SERINC5: variants seen among roughly 807,000 people sequenced by gnomAD.
SERINC5 encodes the protein serine incorporator 5, also known as chromosome 5 open reading frame 12.
A neutral mutation model predicts 63.1 loss-of-function variants in SERINC5; 41 were observed. That is an observed-to-expected ratio of 0.65 (90% confidence interval 0.51 to 0.84). SERINC5 has a LOEUF of 0.84. Ranked by LOEUF, SERINC5 falls within the 40% of genes least tolerant of loss-of-function variation. The probability of loss-of-function intolerance (pLI) is 0.00; values close to 1 mark genes in which losing one functional copy is unlikely to be tolerated. For synonymous variants in SERINC5, 222 were observed against 215.2 expected (o/e 1.03, Z -0.28); for missense variants, 523 against 573.0 (o/e 0.91, Z 0.89).
chr5:80,228,068 GA>G lies in SERINC5; in HGVS notation c.28-25016del, dbSNP rs535973486. On this transcript the variant is annotated intron_variant, in intron 1 of 11. Transcript: ENST00000507668. ...AAAACCCCATCTCTACAAATAATAT[GA>G]AAAAAAAAAAAAATTAGCCAGGCAT... Among the ~76,000 whole-genome samples the G allele has an allele frequency of 9.2e-3, 1,208 of 131,398 alleles. 14 individuals are homozygous for G. Among genetic ancestry groups the G allele is most frequent in the Admixed American group, 0.025 (318 of 12,676 alleles). The allele number at this position is 131,398 out of a possible 152,430, so 86.2% of individuals were successfully genotyped here. A position where few individuals can be genotyped will look rare whatever the true frequency, so the allele number is the denominator to read the frequency against.
chr5:80,238,728 G>A (rs1751819686), intron 1 of SERINC5, among the ~76,000 whole-genome samples: 1 of 146,250 alleles, frequency 6.8e-6, no homozygotes, highest in South Asian at 2.2e-4. Context: ...GGTAGAGGTT[G>A]CAGTGAACTG....
intron 2 of SERINC5, among the ~76,000 whole-genome samples, chr5:80,193,207 AGAGT>A (rs1011392425): frequency 2.6e-5 from 4 of 152,246 alleles, no homozygotes; most frequent in African/African-American, 9.6e-5. Flanking sequence ...ATTTCTATGC[AGAGT>A]AAGTATCAAG....
rs141553333 is a variant in SERINC5 at position 80,115,017 on chromosome 5, G to T, written c.1239-1392C>A. 3.6e-3 allele frequency among the ~76,000 whole-genome samples: 542 copies of T among 152,068 alleles called. 5 individuals carry two copies. Among genetic ancestry groups the T allele is most frequent in the Non-Finnish European group, 6.6e-3 (447 of 68,022 alleles). ...TGATTTTCTGCCGCCCAATCCAGTT[G>T]CCCAACCCTCCTGGCTCAATGCCAG... On this transcript the variant is annotated intron_variant, in intron 11 of 12. Coordinates refer to the SERINC5 transcript ENST00000509193.
chr5:80,127,962 ATAAATT>A (rs148475777), intron 11 of SERINC5, among the ~76,000 whole-genome samples: 13,343 of 152,228 alleles, frequency 0.088, 706 homozygotes, highest in East Asian at 0.2. Flanking sequence ...TTAATAAATT[ATAAATT>A]TAAAGATTTA....
chr5:80,180,360 T>C (rs1162607232), intron 2 of SERINC5, among the ~76,000 whole-genome samples: 1 of 151,922 alleles, frequency 6.6e-6, no homozygotes, highest in East Asian at 1.9e-4. Context: ...AGAGAAAAAA[T>C]AGCACAAAAC....
In SERINC5 at chr5:80,225,724, C is replaced by T. The variant is rs114190823; in HGVS notation, c.28-22671G>A. On this transcript the variant is annotated intron_variant, in intron 1 of 11. Transcript: ENST00000507668. The stretch of plus-strand genomic sequence containing the variant: ...TTATCCCATGCACCTGTGTAATATG[C>T]ACTCACACATGCACACGAGTGTGTA... 8.0e-3 allele frequency among the ~76,000 whole-genome samples: 1,211 copies of T among 152,254 alleles called. 18 individuals carry two copies. Among genetic ancestry groups the T allele is most frequent in the African/African-American group, 0.026 (1,075 of 41,530 alleles).
chr5:80,114,007 C>T (rs563838261), intron 11 of SERINC5, among the ~76,000 whole-genome samples: 3 of 152,056 alleles, frequency 2.0e-5, no homozygotes, highest in Admixed American at 1.3e-4. Context: ...CAAGATAACC[C>T]GATGTTCCCA....
chr5:80,160,721 C>T lies in SERINC5; in HGVS notation c.860-1759G>A, dbSNP rs930908064. On this transcript the variant is annotated intron_variant, in intron 7 of 11. Coordinates refer to ENST00000507668, the MANE Select transcript of SERINC5 (RefSeq NM_001174072.3). ...TCCCTCCTTCCTATGTTTGAGTCTT[C>T]ACTATCATTCCACACTCATGTCCAT... Among the ~76,000 whole-genome samples, 4 of 152,110 alleles carry T rather than the reference C, an allele frequency of 2.6e-5. No homozygotes were observed. In the South Asian group the frequency reaches 6.2e-4, roughly 24 times the overall value.
chr5:80,220,587 C>T (rs1750856685), intron 1 of SERINC5, among the ~76,000 whole-genome samples: 1 of 152,160 alleles, frequency 6.6e-6, no homozygotes, highest in Non-Finnish European at 1.5e-5. Flanking sequence ...CCTTCCTTCC[C>T]CTGCAAGGAA....
At chr5:80,238,472 C>T (rs753613674) in intron 1 of SERINC5, among the ~76,000 whole-genome samples, 16 of 151,988 alleles carry the variant, frequency 1.1e-4, no homozygotes, top group Non-Finnish European at 1.9e-4. Context: ...GATTTTATTA[C>T]AACAAAATAC....
At chr5:80,238,242 G>C (rs564049411) in intron 1 of SERINC5, among the ~76,000 whole-genome samples, 21 of 152,004 alleles carry the variant, frequency 1.4e-4, no homozygotes, top group Middle Eastern at 3.4e-3. Flanking sequence ...GCCGCTGCTA[G>C]GCAAAATGAT....
In SERINC5 at chr5:80,139,483, G is replaced by C. The variant is rs376144799; in HGVS notation, c.*4180C>G. 1.1e-4 allele frequency: 105 copies of C among 984,504 alleles called. No homozygotes were observed. Among genetic ancestry groups the C allele is most frequent in the Non-Finnish European group, 1.2e-4 (103 of 829,788 alleles). The allele number at this position is 984,504 out of a possible 1,614,324, so 61.0% of individuals were successfully genotyped here. ...ATTCTTAATCTGCCCTTCCCCATTT[G>C]TTTCTTTCTGAAAGGATTTTGCTTA... On this transcript the variant is annotated 3_prime_UTR_variant, in exon 12 of 12. Transcript: ENST00000507668.
intron 2 of SERINC5, among the ~76,000 whole-genome samples, chr5:80,201,451 C>T (rs1350222322): frequency 6.6e-6 from 1 of 152,218 alleles, no homozygotes; most frequent in Non-Finnish European, 1.5e-5. Flanking sequence ...ACTGATGGTG[C>T]CCTGCTGGGT....
At chr5:80,246,253 A>C (rs1388492960) in intron 1 of SERINC5, among the ~76,000 whole-genome samples, 2 of 152,168 alleles carry the variant, frequency 1.3e-5, no homozygotes, top group Non-Finnish European at 2.9e-5. Context: ...GCCCTCCATT[A>C]AATTGCTGAG....
At chr5:80,201,673 G>A (rs1220156258) in intron 2 of SERINC5, among the ~76,000 whole-genome samples, 1 of 152,146 alleles carries the variant, frequency 6.6e-6, no homozygotes, top group Non-Finnish European at 1.5e-5. Flanking sequence ...TGATCCAGGA[G>A]GACTACTATG....
intron 7 of SERINC5, among the ~76,000 whole-genome samples, chr5:80,161,226 T>C (rs1194385718): frequency 3.3e-5 from 5 of 152,118 alleles, no homozygotes; most frequent in East Asian, 3.9e-4. Context: ...AGTAGTGGGA[T>C]TGCTGAATCA....
chr5:80,255,857 C>T (rs776716043), intron 1 of SERINC5, 39 bp downstream of exon 1: 12 of 1,586,076 alleles, frequency 7.6e-6, no homozygotes, highest in Non-Finnish European at 1.0e-5. Flanking sequence ...CCCGGTTCTC[C>T]GATCTGACAA....
chr5:80,255,942 G>A lies in SERINC5; in HGVS notation c.-20C>T, dbSNP rs1197421048. ...TGACATCGCGGCGGCCAATGCCGAA[G>A]GCGCGCTCGCTGGCTCCCCGCGCCG... On this transcript the variant is annotated 5_prime_UTR_variant, in exon 1 of 12. Coordinates refer to ENST00000507668, the MANE Select transcript of SERINC5 (RefSeq NM_001174072.3). The A allele has an allele frequency of 1.3e-6, 2 of 1,539,150 alleles. No individual in the cohort carries two copies. Among genetic ancestry groups the A allele is most frequent in the African/African-American group, 1.4e-5 (1 of 70,290 alleles).
intron 11 of SERINC5, among the ~76,000 whole-genome samples, chr5:80,115,361 G>C (rs1744289603): frequency 6.6e-6 from 1 of 151,956 alleles, no homozygotes; most frequent in Non-Finnish European, 1.5e-5. Context: ...AATGACCTTA[G>C]CAGGTTCAGA....
Sources: gnomAD v4.1 joint callset for allele counts (sites outside exome capture counted in the v4.1 genomes callset) on GRCh38, gnomAD v4.1.1 for gene constraint, MANE v1.5 for transcripts, NCBI Gene and HGNC (gene_info 2026-07-23, HGNC 2026-07-21) for gene names.